The following TTC17 variants were observed in gnomAD, a reference collection of about 807,000 sequenced individuals.
The protein encoded by TTC17 is tetratricopeptide repeat domain 17, also known as tetratricopeptide repeat protein 17.
A neutral mutation model predicts 143.8 loss-of-function variants in TTC17; 58 were observed. That is an observed-to-expected ratio of 0.40 (90% CI 0.33 to 0.50). TTC17 has a LOEUF of 0.50. Ranked by LOEUF, TTC17 falls within the 20% of genes least tolerant of loss-of-function variation. The pLI is 0.49. For missense variants in TTC17, 1,273 were observed against 1,392.5 expected, an observed-to-expected ratio of 0.91 and a Z score of 1.37; for synonymous variants, 501 against 497.8, an observed-to-expected ratio of 1.01 and a Z score of -0.09.
At chr11:43,462,719 G>T (rs1008228973) in intron 21 of TTC17, among the ~76,000 whole-genome samples, 1 of 152,046 alleles carries the variant, frequency 6.6e-6, no homozygotes, top group Non-Finnish European at 1.5e-5. Flanking sequence ...TAAACTGTAT[G>T]CACCAAAGAA....
chr11:43,448,001 G>A lies in TTC17; in HGVS notation c.2666-1G>A. On this transcript the variant is annotated splice_acceptor_variant, in intron 18 of 23. Transcript: ENST00000039989. LOFTEE classifies it high-confidence loss of function. ...GGATTCATGGCATACTTTCCTTCCA[G>A]GAAAAAAACGTGACTACCAGCGTCT... 6.2e-7 allele frequency: 1 copy of A among 1,613,556 alleles called. No individual in the cohort carries two copies. The highest frequency in any genetic ancestry group is 1.3e-5 in the African/African-American group (1 of 74,996).
At chr11:43,464,147 G>T (rs990406318) in intron 21 of TTC17, among the ~76,000 whole-genome samples, 5 of 152,114 alleles carry the variant, frequency 3.3e-5, no homozygotes, top group African/African-American at 1.2e-4. Context: ...GGGCGTGGTG[G>T]TGCACGCCTG....
In TTC17 at chr11:43,367,365, A is replaced by G. The variant is rs1052695729; in HGVS notation, c.159+8252A>G. Among the ~76,000 whole-genome samples the G allele has an allele frequency of 1.2e-4, 18 of 152,346 alleles. No individual in the cohort carries two copies. The East Asian group carries it at 1.3e-3, about 11-fold the overall frequency. ...ATCTAAAAGGTCAACTTTAATGCGC[A>G]GGCATCAAAAAGCAAAAAGTATGGG... is the stretch of plus-strand genomic sequence containing the variant. On this transcript the variant is annotated intron_variant, in intron 1 of 23. Coordinates refer to ENST00000039989, the MANE Select transcript of TTC17 (RefSeq NM_018259.6).
chr11:43,397,906 GTGTGTGTGTGTGTGTGTGTGT>G, intron 7 of TTC17, 47 bp from the exon 8 acceptor site: 1 of 300,218 alleles, frequency 3.3e-6, no homozygotes, highest in Non-Finnish European at 4.2e-6. Flanking sequence ...TTTTCCGTGT[GTGTGTGTGTGTGTGTGTGTGT>G]GTGTGTGTGT....
At chr11:43,396,480 A>T (rs907643976) in intron 5 of TTC17, 1 of 299,024 alleles carries the variant, frequency 3.3e-6, no homozygotes, top group Non-Finnish European at 6.1e-6. Context: ...GATGGTCTCT[A>T]TATGAAGATC....
At chr11:43,367,841 C>T (rs1382496412) in intron 1 of TTC17, among the ~76,000 whole-genome samples, 3 of 152,068 alleles carry the variant, frequency 2.0e-5, no homozygotes, top group Non-Finnish European at 2.9e-5. Flanking sequence ...CATCCTTCAT[C>T]CCTATAACTC....
At chr11:43,368,114 T>A (rs1565128203) in intron 1 of TTC17, among the ~76,000 whole-genome samples, 4 of 152,220 alleles carry the variant, frequency 2.6e-5, no homozygotes, top group African/African-American at 9.6e-5. Flanking sequence ...TCTCAGTCCC[T>A]GGCCCTGACT....
At chr11:43,408,186 TATA>T (rs1166857816) in intron 15 of TTC17, among the ~76,000 whole-genome samples, 6 of 152,230 alleles carry the variant, frequency 3.9e-5, no homozygotes, top group African/African-American at 1.4e-4. Context: ...GAAATTCAGT[TATA>T]ATAAATATAC....
At chr11:43,462,592 C>CTCT (rs1038224291) in intron 21 of TTC17, among the ~76,000 whole-genome samples, 3 of 152,190 alleles carry the variant, frequency 2.0e-5, no homozygotes, top group African/African-American at 7.2e-5. Flanking sequence ...GACCTCCTGC[C>CTCT]TTAAGAGCTG....
At position 43,402,527 on chromosome 11, in the gene TTC17, G is replaced by A. The variant is rs934425387; in HGVS notation, c.1332+969G>A. On this transcript the variant is annotated intron_variant, in intron 10 of 23. Coordinates refer to ENST00000039989, the MANE Select transcript of TTC17 (RefSeq NM_018259.6). ...TGATACCAGATAGTATATAATAGAT[G>A]TTGAATAAGTGGTACAGACAGCAAG... 6.6e-5 allele frequency among the ~76,000 whole-genome samples: 10 copies of A among 152,036 alleles called. No homozygotes were observed. In the East Asian group the frequency reaches 1.5e-3, roughly 23 times the overall value.
chr11:43,465,632 C>T (rs997713718), intron 21 of TTC17, among the ~76,000 whole-genome samples: 1 of 152,106 alleles, frequency 6.6e-6, no homozygotes, highest in African/African-American at 2.4e-5. Context: ...AAAATAAACC[C>T]TCATGTATAT....
At chr11:43,469,121 C>A (rs1244536084) in intron 21 of TTC17, among the ~76,000 whole-genome samples, 3 of 152,032 alleles carry the variant, frequency 2.0e-5, no homozygotes, top group Non-Finnish European at 4.4e-5. Flanking sequence ...TTTAAAAGTA[C>A]CCAGTGTATT....
intron 18 of TTC17, chr11:43,446,077 A>T (rs1377042874): frequency 2.7e-6 from 4 of 1,506,956 alleles, no homozygotes; most frequent in African/African-American, 1.4e-5. Context: ...ACAGGATAAA[A>T]TTCAAACTTC....
intron 11 of TTC17, 64 bp downstream of exon 11, chr11:43,404,208 C>T: frequency 1.3e-6 from 2 of 1,494,486 alleles, no homozygotes; most frequent in Non-Finnish European, 1.8e-6. Context: ...AAGCAGTGGC[C>T]CTCAACCTCA....
At position 43,389,623 on chromosome 11, in the gene TTC17, C is replaced by T. The variant is rs1488811918; in HGVS notation, c.250-29C>T. On this transcript the variant is annotated intron_variant, in intron 2 of 23. Coordinates refer to ENST00000039989, the MANE Select transcript of TTC17 (RefSeq NM_018259.6). ...AGTTAGACTAAAATATTAGAAGAATCCATTCTGTTCTTACTTTCTTCTCAA... is the reference window on the plus strand; with the variant it reads ...AGTTAGACTAAAATATTAGAAGAATTCATTCTGTTCTTACTTTCTTCTCAA... The T allele has an allele frequency of 3.2e-6, 5 of 1,569,696 alleles. No homozygotes were observed. In the African/African-American group the frequency reaches 6.9e-5, roughly 22 times the overall value.
At chr11:43,441,507 CTT>C (rs1319054916) in intron 16 of TTC17, among the ~76,000 whole-genome samples, 1 of 152,020 alleles carries the variant, frequency 6.6e-6, no homozygotes, top group East Asian at 1.9e-4. Context: ...AGGTTAGAAA[CTT>C]TCCATTTTTT....
chr11:43,406,060 A>G (rs1858116307), intron 13 of TTC17, 109 bp downstream of exon 13: 2 of 1,266,506 alleles, frequency 1.6e-6, no homozygotes, highest in East Asian at 2.5e-5. Context: ...CTTTAAGTGT[A>G]TAAAATGGAA....
At chr11:43,469,045 AT>A (rs968127511) in intron 21 of TTC17, among the ~76,000 whole-genome samples, 2 of 152,224 alleles carry the variant, frequency 1.3e-5, no homozygotes, top group African/African-American at 4.8e-5. Flanking sequence ...AGACAACGCA[AT>A]TTTTTAAAGG....
chr11:43,359,312 T>G, intron 1 of TTC17, 199 bp downstream of exon 1: 1 of 670,176 alleles, frequency 1.5e-6, no homozygotes, highest in Non-Finnish European at 2.3e-6. Flanking sequence ...GGTCCTCGTT[T>G]GGCCCCCTAG....
Sources: allele counts gnomAD v4.1 joint callset (sites outside exome capture counted in the v4.1 genomes callset), GRCh38; gene constraint gnomAD v4.1.1; transcripts MANE v1.5; gene names NCBI Gene and HGNC (gene_info 2026-07-23, HGNC 2026-07-21).